ESRRG: variants seen among roughly 807,000 people sequenced by gnomAD.
ESRRG encodes the protein estrogen related receptor gamma, also known as estrogen-related receptor gamma.
ESRRG carries 13 observed loss-of-function variants against 44.0 expected under a neutral mutation model. The observed-to-expected ratio is 0.30, with a 90% CI of 0.19 to 0.47. ESRRG has a LOEUF of 0.47. Among genes scored for constraint, ESRRG ranks in the 20% least tolerant of loss-of-function variants. ESRRG has a pLI of 1.00. For missense variants in ESRRG, 395 were observed against 580.6 expected (o/e 0.68, Z 3.29); for synonymous variants, 215 against 214.6 (o/e 1.00, Z -0.02).
chr1:217,032,014 T>C (rs2082143230), intron 1 of ESRRG, among the ~76,000 whole-genome samples: 1 of 152,172 alleles, frequency 6.6e-6, no homozygotes, highest in Non-Finnish European at 1.5e-5. Context: ...TCAAGAGCTT[T>C]CTGTGAATGT....
At chr1:217,005,048 A>G (rs994187954) in intron 1 of ESRRG, among the ~76,000 whole-genome samples, 4 of 152,214 alleles carry the variant, frequency 2.6e-5, no homozygotes, top group Non-Finnish European at 5.9e-5. Context: ...TGTGATTTGC[A>G]CAAGATAACT....
chr1:216,537,655 C>CA (rs1433050011), intron 5 of ESRRG, among the ~76,000 whole-genome samples: 1 of 151,908 alleles, frequency 6.6e-6, no homozygotes, highest in Admixed American at 6.6e-5. Context: ...GGGCTTTGAA[C>CA]AAAAAGGAGA....
intron 2 of ESRRG, among the ~76,000 whole-genome samples, chr1:216,731,929 G>A (rs1196441227): frequency 1.3e-5 from 2 of 152,152 alleles, no homozygotes; most frequent in Non-Finnish European, 2.9e-5. Context: ...ATTTTCATTA[G>A]TGAGAATAGA....
chr1:217,089,842 G>C (rs1580542561), upstream of ESRRG, among the ~76,000 whole-genome samples: 2 of 152,242 alleles, frequency 1.3e-5, no homozygotes, highest in South Asian at 2.1e-4. Context: ...GCGCCAAGGC[G>C]CCTCCCTTTT....
chr1:217,047,580 G>T (rs207461133), intron 1 of ESRRG, among the ~76,000 whole-genome samples: 1 of 152,092 alleles, frequency 6.6e-6, no homozygotes, highest in African/African-American at 2.4e-5. Flanking sequence ...ATTTTTAGTA[G>T]GGAGAATATT....
chr1:216,525,762 G>T (rs964416031), intron 5 of ESRRG, among the ~76,000 whole-genome samples: 7 of 152,096 alleles, frequency 4.6e-5, no homozygotes, highest in African/African-American at 1.7e-4. Flanking sequence ...CCACACTTCT[G>T]ATTTGAAAGA....
chr1:216,715,949 C>T (rs915580380), intron 1 of ESRRG, among the ~76,000 whole-genome samples: 1 of 151,988 alleles, frequency 6.6e-6, no homozygotes, highest in Non-Finnish European at 1.5e-5. Context: ...ATTTAGTGTG[C>T]TTCTGCCTAT....
At chr1:216,534,030 C>T (rs752565541) in intron 5 of ESRRG, among the ~76,000 whole-genome samples, 23 of 151,946 alleles carry the variant, frequency 1.5e-4, no homozygotes, top group Non-Finnish European at 2.9e-4. Flanking sequence ...AATATCCAGG[C>T]GAGGCAGCTA....
upstream of ESRRG, among the ~76,000 whole-genome samples, chr1:216,724,362 A>ATTT (rs35611593): frequency 0.013 from 1,898 of 143,088 alleles, 24 homozygotes; most frequent in East Asian, 0.039. Context: ...TAAAGACAGC[A>ATTT]TTTTTTTTTT....
chr1:217,136,363 C>CA (rs749721061), intron 1 of ESRRG, among the ~76,000 whole-genome samples: 2 of 152,212 alleles, frequency 1.3e-5, no homozygotes, highest in Non-Finnish European at 2.9e-5. Context: ...GGAGTTCCTG[C>CA]AGTGCAGATT....
chr1:216,522,460 T>C (rs1238982755), intron 5 of ESRRG, among the ~76,000 whole-genome samples: 1 of 152,010 alleles, frequency 6.6e-6, no homozygotes, highest in East Asian at 1.9e-4. Flanking sequence ...TTCTATCTTT[T>C]CTTGGTCTAG....
intron 2 of ESRRG, among the ~76,000 whole-genome samples, chr1:216,744,125 T>C (rs1208159731): frequency 6.6e-6 from 1 of 152,124 alleles, no homozygotes; most frequent in Non-Finnish European, 1.5e-5. Flanking sequence ...AACAAAGCCA[T>C]AGAGTTCAGT....
intron 3 of ESRRG, among the ~76,000 whole-genome samples, chr1:216,602,996 T>G (rs1421293664): frequency 6.6e-6 from 1 of 152,200 alleles, no homozygotes; most frequent in Non-Finnish European, 1.5e-5. Context: ...TTAATTCAAT[T>G]GCTATAGATA....
chr1:217,085,289 G>C (rs373998887), intron 1 of ESRRG, among the ~76,000 whole-genome samples: 2 of 151,916 alleles, frequency 1.3e-5, no homozygotes, highest in Non-Finnish European at 2.9e-5. Flanking sequence ...TGTGTGTATT[G>C]ACCTTCTATT....
intron 1 of ESRRG, among the ~76,000 whole-genome samples, chr1:217,129,566 T>C (rs899092488): frequency 6.6e-6 from 1 of 152,124 alleles, no homozygotes; most frequent in African/African-American, 2.4e-5. Flanking sequence ...GATGAATGTG[T>C]AAACAAAAGG....
intron 5 of ESRRG, among the ~76,000 whole-genome samples, chr1:216,560,230 T>A (rs1192451049): frequency 6.6e-6 from 1 of 152,170 alleles, no homozygotes; most frequent in Non-Finnish European, 1.5e-5. Flanking sequence ...TTTTTTTCTA[T>A]TTGATATCAT....
At chr1:217,130,189 C>A (rs1377253182) in intron 1 of ESRRG, among the ~76,000 whole-genome samples, 2 of 152,184 alleles carry the variant, frequency 1.3e-5, no homozygotes, top group African/African-American at 4.8e-5. Context: ...TCTTGAATAT[C>A]ATTTTTGGTT....
At chr1:216,863,171 T>C (rs2096081829) in intron 2 of ESRRG, 1 of 152,164 alleles carries the variant, frequency 6.6e-6, no homozygotes, top group Non-Finnish European at 1.5e-5. Context: ...AGGCCTGGGA[T>C]GGAGCTTAAG....
In ESRRG at chr1:216,567,989, T is replaced by G. The variant is rs1218980842; in HGVS notation, c.699A>C (p.Pro233=). The change falls in exon 4 of 7, where the codon CCA becomes CCC. Residue 233 remains proline, a splice_region_variant and synonymous_variant. Transcript: ENST00000408911. ...GCCAGACACATCTGCTGTACTTACA[T>G]GGCTTTTTGGCTGGCTGAACCAGCT... The part of the protein sequence containing the change: ...NPQLVQPAKK[P]YNKIVSHLLV... The G allele has an allele frequency of 6.2e-7, 1 of 1,605,480 alleles. No individual in the cohort carries two copies. The highest frequency in any genetic ancestry group is 1.7e-5 in the Admixed American group (1 of 59,994).
Sources: gnomAD v4.1 joint callset for allele counts (sites outside exome capture counted in the v4.1 genomes callset) on GRCh38, gnomAD v4.1.1 for gene constraint, MANE v1.5 for transcripts, NCBI Gene and HGNC (gene_info 2026-07-23, HGNC 2026-07-21) for gene names.